Variants in ARL6IP4 observed in about 807,000 individuals in gnomAD.
ARL6IP4 encodes ADP-ribosylation factor-like protein 6-interacting protein 4.
ARL6IP4 carries 24 observed loss-of-function variants against 28.1 expected under a neutral mutation model. That is an observed-to-expected ratio of 0.86 (90% confidence interval 0.62 to 1.20). ARL6IP4 has a LOEUF of 1.20. Ranked by LOEUF, ARL6IP4 falls within the 50% of genes most tolerant of loss-of-function variation. ARL6IP4 has a pLI of 0.00. For missense variants in ARL6IP4, 343 were observed against 302.4 expected, an observed-to-expected ratio of 1.13 and a Z score of -1.00; for synonymous variants, 162 against 122.3, an observed-to-expected ratio of 1.32 and a Z score of -2.14.
rs1566219204 is a variant in ARL6IP4 at position 122,981,683 on chromosome 12, GTCC to G, written c.282_284del (p.Ser98del). On this transcript the variant is annotated inframe_deletion, in exon 3 of 6. Coordinates refer to ENST00000315580, the MANE Select transcript of ARL6IP4 (RefSeq NM_018694.4). Reference sequence around the variant, plus strand: ...CTTCTAGCTCCTCTTCTTCCTCCTCGTCCTCCTCCTCTTCCTCCAGTGATGGCC... The same window carrying G: ...CTTCTAGCTCCTCTTCTTCCTCCTCGTCCTCCTCTTCCTCCAGTGATGGCC... 2 of 1,553,088 alleles carry G rather than the reference GTCC, an allele frequency of 1.3e-6. No homozygotes were observed. Among genetic ancestry groups the G allele is most frequent in the South Asian group, 1.2e-5 (1 of 84,464 alleles).
rs2037634701 is a variant in ARL6IP4 at position 122,981,243 on chromosome 12, A to G, written c.104A>G (p.Asn35Ser). 1.3e-6 allele frequency: 2 copies of G among 1,549,924 alleles called. No individual in the cohort carries two copies. The highest frequency in any genetic ancestry group is 8.7e-7 in the Non-Finnish European group (1 of 1,146,622). ...KKKSRKDTSR[N>S]CSASTSQGRK... is the part of the protein sequence containing the mutation. Reference sequence around the variant, plus strand: ...AAGAGCAGGAAAGACACCTCGAGGAACTGCTCGGCCTCCACATCCCAAGGT... The same window carrying G: ...AAGAGCAGGAAAGACACCTCGAGGAGCTGCTCGGCCTCCACATCCCAAGGT... Residue 35 changes from asparagine (N) to serine (S), a missense_variant, in exon 2 of 6, where the codon AAC becomes AGC. Asn to Ser is a conservative substitution (Grantham distance 46). Transcript: ENST00000315580.
In ARL6IP4 at chr12:122,982,041, G is replaced by T. The variant is rs372275437; in HGVS notation, c.554G>T (p.Arg185Leu). Reference sequence around the variant, plus strand: ...TGGGATGCCCGGCAGAGCATCATCCGCAAGGTGGTGGACCCTGAGACGGGG... The same window carrying T: ...TGGGATGCCCGGCAGAGCATCATCCTCAAGGTGGTGGACCCTGAGACGGGG... ...EEWDARQSII[R>L]KVVDPETGRT... The change falls in exon 4 of 6, where the codon CGC becomes CTC. Residue 185 changes from arginine to leucine, a missense_variant. Transcript: ENST00000315580. 5 of 1,613,468 alleles carry T rather than the reference G, an allele frequency of 3.1e-6. No individual in the cohort carries two copies. The highest frequency in any genetic ancestry group is 4.2e-6 in the Non-Finnish European group (5 of 1,180,038).
At position 122,982,719 on chromosome 12, in the gene ARL6IP4, A is replaced by C. The variant is rs1228088337; in HGVS notation, c.*43A>C. ...GGCCTGTGGACGACGCTGGCGGCCC[A>C]GCCTGGGCAGGTTTCAGGGTGCCAG... On this transcript the variant is annotated 3_prime_UTR_variant, in exon 6 of 6. Transcript: ENST00000315580. 6.3e-7 allele frequency: 1 copy of C among 1,594,492 alleles called. No individual in the cohort carries two copies. The highest frequency in any genetic ancestry group is 8.6e-7 in the Non-Finnish European group (1 of 1,166,040).
upstream of ARL6IP4, chr12:122,980,531 G>C: frequency 7.3e-7 from 1 of 1,368,784 alleles, no homozygotes; most frequent in Non-Finnish European, 9.4e-7. Context: ...ACACAGGCGT[G>C]AGGGGCTGCG....
At position 122,981,752 on chromosome 12, in the gene ARL6IP4, G is replaced by A. The variant is rs778995987; in HGVS notation, c.342G>A (p.Lys114=). The A allele has an allele frequency of 2.8e-5, 43 of 1,551,802 alleles. No homozygotes were observed. The highest frequency in any genetic ancestry group is 8.2e-5 in the African/African-American group (6 of 73,476). The change falls in exon 3 of 6, where the codon AAG becomes AAA. Residue 114 remains lysine, a synonymous_variant. Coordinates refer to ENST00000315580, the MANE Select transcript of ARL6IP4 (RefSeq NM_018694.4). The part of the protein sequence containing the change: ...RGKYKDKRRK[K]KKKRKKLKKK... ...AGTACAAGGACAAGAGGAGGAAGAA[G>A]AAGAAGAAGAGGAAGAAGCTGAAGA...
At chr12:122,982,328 TGGGTGAGGCCCCA>T in intron 4 of ARL6IP4, 128 bp from the exon 5 acceptor site, 1 of 897,138 alleles carries the variant, frequency 1.1e-6, no homozygotes, top group Admixed American at 2.3e-5. Flanking sequence ...TCAGGGAGAG[TGGGTGAGGCCCCA>T]GGGTCTGTCC....
chr12:122,982,283 G>A, intron 4 of ARL6IP4, 186 bp from the exon 5 acceptor site: 4 of 807,746 alleles, frequency 5.0e-6, no homozygotes, highest in Admixed American at 2.4e-5. Flanking sequence ...GCCGGGCTGA[G>A]GCTGGCAAGG....
At position 122,981,818 on chromosome 12, in the gene ARL6IP4, T is replaced by G. The variant is rs771692019; in HGVS notation, c.408T>G (p.Ala136=). 3.0e-5 allele frequency: 48 copies of G among 1,606,714 alleles called. No homozygotes were observed. The highest frequency in any genetic ancestry group is 4.0e-5 in the Non-Finnish European group (47 of 1,176,762). The part of the protein sequence containing the change: ...KEKAEAQQVE[A]LPGPSLDQWH... Reference sequence around the variant, plus strand: ...AGGCGGAAGCACAGCAGGTGGAGGCTCTGCCGGGCCCCTCGCTGGACCAGT... The same window carrying G: ...AGGCGGAAGCACAGCAGGTGGAGGCGCTGCCGGGCCCCTCGCTGGACCAGT... The change falls in exon 3 of 6, where the codon GCT becomes GCG. Residue 136 remains alanine (A), a synonymous_variant. Coordinates refer to ENST00000315580, the MANE Select transcript of ARL6IP4 (RefSeq NM_018694.4).
At chr12:122,980,656 C>T, upstream of ARL6IP4, 4 of 1,383,884 alleles carry the variant, frequency 2.9e-6, no homozygotes, top group Non-Finnish European at 3.7e-6. Context: ...CGGCCAGCCT[C>T]CCGCGCAGCG....
upstream of ARL6IP4, chr12:122,980,350 G>C (rs1456879825): frequency 7.6e-7 from 1 of 1,308,558 alleles, no homozygotes; most frequent in African/African-American, 1.5e-5. Flanking sequence ...GGGCGCGTCG[G>C]AAAGACCAGG....
At position 122,981,981 on chromosome 12, in the gene ARL6IP4, G is replaced by T. The variant is rs780545096; in HGVS notation, c.494G>T (p.Arg165Leu). ...GPVLTDEQKS[R>L]IQAMKPMTKE... is the part of the protein sequence containing the mutation. ...GTCCTGACGGATGAGCAGAAGTCCC[G>T]AATCCAGGCCATGAAGCCCATGACC... The change falls in exon 4 of 6, where the codon CGA becomes CTA. Residue 165 changes from arginine (R) to leucine (L), a missense_variant. Transcript: ENST00000315580. 6.2e-7 allele frequency: 1 copy of T among 1,613,754 alleles called. No individual in the cohort carries two copies.
chr12:122,981,817 C>T lies in ARL6IP4; in HGVS notation c.407C>T (p.Ala136Val), dbSNP rs867776586. ...AAGGCGGAAGCACAGCAGGTGGAGG[C>T]TCTGCCGGGCCCCTCGCTGGACCAG... ...KEKAEAQQVE[A>V]LPGPSLDQWH... Residue 136 changes from alanine to valine, a missense_variant, in exon 3 of 6, where the codon GCT becomes GTT. Coordinates refer to ENST00000315580, the MANE Select transcript of ARL6IP4 (RefSeq NM_018694.4). 6.2e-7 allele frequency: 1 copy of T among 1,606,154 alleles called. No homozygotes were observed. The highest frequency in any genetic ancestry group is 8.5e-7 in the Non-Finnish European group (1 of 1,176,438).
rs2037639157 is a variant in ARL6IP4 at position 122,981,298 on chromosome 12, G to A, written c.159G>A (p.Glu53=). The A allele has an allele frequency of 6.5e-7, 1 of 1,546,898 alleles. No individual in the cohort carries two copies. Among genetic ancestry groups the A allele is most frequent in the African/African-American group, 1.4e-5 (1 of 72,898 alleles). ...AGGCCAGCACGGCCCCTGGGGCGGA[G>A]GGTGAGGACCACAGGCATCGGGGAG... ...GRKASTAPGA[E]ASPSPCITER... is the part of the protein sequence containing the mutation. Residue 53 remains glutamate, a splice_region_variant and synonymous_variant, in exon 2 of 6, where the codon GAG becomes GAA. Coordinates refer to ENST00000315580, the MANE Select transcript of ARL6IP4 (RefSeq NM_018694.4).
Position 122,981,572 on chromosome 12 carries a change from C to G in ARL6IP4, c.162C>G (p.Ala54=), listed in dbSNP as rs758076311. 8 of 1,544,944 alleles carry G rather than the reference C, an allele frequency of 5.2e-6. No individual in the cohort carries two copies. The highest frequency in any genetic ancestry group is 7.0e-6 in the Non-Finnish European group (8 of 1,146,280). ...CCTCTTCCCCTCCTGGCCTTCCAGCCTCACCTTCTCCCTGCATCACAGAGA... is the reference window on the plus strand; with the variant it reads ...CCTCTTCCCCTCCTGGCCTTCCAGCGTCACCTTCTCCCTGCATCACAGAGA... ...RKASTAPGAE[A]SPSPCITERS... The change falls in exon 3 of 6, where the codon GCC becomes GCG. Residue 54 remains alanine (A), a splice_region_variant and synonymous_variant. Coordinates refer to ENST00000315580, the MANE Select transcript of ARL6IP4 (RefSeq NM_018694.4).
chr12:122,982,657 G>C lies in ARL6IP4; in HGVS notation c.695G>C (p.Arg232Pro). 1 of 1,613,920 alleles carries C rather than the reference G, an allele frequency of 6.2e-7. No individual in the cohort carries two copies. The highest frequency in any genetic ancestry group is 8.5e-7 in the Non-Finnish European group (1 of 1,180,038). ...GGGGACTGCCTGGCCTTCCAGATGC[G>C]AGCTGGGTTGCTTCCCTGAGGGCCC... ...TRGDCLAFQM[R>P]AGLLP Residue 232 changes from arginine to proline, a missense_variant, in exon 6 of 6, where the codon CGA (arginine) becomes CCA (proline). Coordinates refer to ENST00000315580, the MANE Select transcript of ARL6IP4 (RefSeq NM_018694.4).
Position 122,981,749 on chromosome 12 carries a change from G to A in ARL6IP4, c.339G>A (p.Lys113=), listed in dbSNP as rs533949295. 67 of 1,550,058 alleles carry A rather than the reference G, an allele frequency of 4.3e-5. No homozygotes were observed. The South Asian group carries it at 6.7e-4, about 16-fold the overall frequency. Residue 113 remains lysine (K), a synonymous_variant, in exon 3 of 6, where the codon AAG becomes AAA. Transcript: ENST00000315580. ...KRGKYKDKRR[K]KKKKRKKLKK... ...GGAAGTACAAGGACAAGAGGAGGAA[G>A]AAGAAGAAGAAGAGGAAGAAGCTGA...
At chr12:122,982,174 C>G in intron 4 of ARL6IP4, 100 bp downstream of exon 4, 9 of 1,358,538 alleles carry the variant, frequency 6.6e-6, no homozygotes, top group Non-Finnish European at 9.4e-6. Flanking sequence ...TTCCTGGTGC[C>G]TGAAAAAGGC....
intron 2 of ARL6IP4, 75 bp downstream of exon 2, chr12:122,981,374 G>A: frequency 6.7e-7 from 1 of 1,481,838 alleles, no homozygotes; most frequent in South Asian, 1.4e-5. Context: ...GGTCGGGGAC[G>A]CTCAGTCATG....
Position 122,982,044 on chromosome 12 carries a change from A to C in ARL6IP4, c.557A>C (p.Lys186Thr). ...EWDARQSIIR[K>T]VVDPETGRTR... Reference sequence around the variant, plus strand: ...GATGCCCGGCAGAGCATCATCCGCAAGGTGGTGGACCCTGAGACGGGGCGC... The same window carrying C: ...GATGCCCGGCAGAGCATCATCCGCACGGTGGTGGACCCTGAGACGGGGCGC... The change falls in exon 4 of 6, where the codon AAG (lysine) becomes ACG (threonine). Residue 186 changes from lysine (K) to threonine (T), a missense_variant. Transcript: ENST00000315580. 1 of 1,613,618 alleles carries C rather than the reference A, an allele frequency of 6.2e-7. No homozygotes were observed. Among genetic ancestry groups the C allele is most frequent in the Non-Finnish European group, 8.5e-7 (1 of 1,180,038 alleles).
Sources: allele counts gnomAD v4.1 joint callset, GRCh38; gene constraint gnomAD v4.1.1; transcripts MANE v1.5; gene names NCBI Gene and HGNC (gene_info 2026-07-23, HGNC 2026-07-21).